COL4A6: variants seen among roughly 807,000 people sequenced by gnomAD.
COL4A6 encodes the protein collagen alpha-6(IV) chain.
In COL4A6, 59 loss-of-function variants were observed where a neutral mutation model predicts 126.7. The ratio of observed to expected loss-of-function variants is 0.47; its 90% CI spans 0.38 to 0.58. The LOEUF (loss-of-function observed/expected upper bound fraction) is 0.58. Ranked by LOEUF, COL4A6 falls within the 20% of genes least tolerant of loss-of-function variation. The pLI is 0.00. For missense variants in COL4A6, 1,285 were observed against 1,337.3 expected, an observed-to-expected ratio of 0.96 and a Z score of 0.61; for synonymous variants, 547 against 496.6, an observed-to-expected ratio of 1.10 and a Z score of -1.35.
At chrX:108,169,775 A>T (rs1348403964) in intron 36 of COL4A6, among the ~76,000 whole-genome samples, 155 bp from the exon 37 acceptor site, 1 of 112,478 alleles carries the variant, frequency 8.9e-6, no homozygotes, top group Non-Finnish European at 1.9e-5. Flanking sequence ...TAGAAGAAAA[A>T]AACCCATCCT....
chrX:108,339,181 C>G (rs1275089738), intron 2 of COL4A6, among the ~76,000 whole-genome samples: 2 of 112,627 alleles, frequency 1.8e-5, no homozygotes, highest in Non-Finnish European at 3.8e-5. Flanking sequence ...GAAAGCCAGG[C>G]AAGAGCCTGG....
At chrX:108,285,915 T>C (rs1390201966) in intron 3 of COL4A6, among the ~76,000 whole-genome samples, 1 of 111,521 alleles carries the variant, frequency 9.0e-6, no homozygotes, top group African/African-American at 3.3e-5. Flanking sequence ...AGAAAAGGGT[T>C]GTATCTATTA....
intron 3 of COL4A6, among the ~76,000 whole-genome samples, chrX:108,245,300 ATT>A (rs1464867202): frequency 3.6e-5 from 4 of 112,011 alleles, no homozygotes; most frequent in Non-Finnish European, 7.5e-5. Context: ...GCTGTGAGAT[ATT>A]TTTGTCACTA....
At chrX:108,222,770 T>A (rs1245354835) in intron 3 of COL4A6, among the ~76,000 whole-genome samples, 1 of 111,336 alleles carries the variant, frequency 9.0e-6, no homozygotes, top group Non-Finnish European at 1.9e-5. Context: ...GGGGGTGGAG[T>A]AAACTTTCAA....
At chrX:108,233,876 CT>C (rs1332013355) in intron 3 of COL4A6, among the ~76,000 whole-genome samples, 4 of 112,182 alleles carry the variant, frequency 3.6e-5, no homozygotes, top group South Asian at 7.4e-4. Flanking sequence ...GTAAAGCCCT[CT>C]GCACAGACAC....
At chrX:108,278,027 CCA>C (rs950124403) in intron 3 of COL4A6, among the ~76,000 whole-genome samples, 1 of 111,664 alleles carries the variant, frequency 9.0e-6, no homozygotes, top group Non-Finnish European at 1.9e-5. Context: ...ATAGATAAAA[CCA>C]CAAAGATGGG....
chrX:108,403,756 G>A (rs1192431854), intron 2 of COL4A6, among the ~76,000 whole-genome samples: 1 of 111,264 alleles, frequency 9.0e-6, no homozygotes, highest in Non-Finnish European at 1.9e-5. Flanking sequence ...ATATAAATCT[G>A]CTCATTATTG....
rs1275381990 is a variant in COL4A6, at chrX:108,190,447, A to C, written c.1371T>G (p.Pro457=). 1 of 1,207,418 alleles carries C rather than the reference A, an allele frequency of 8.3e-7. No individual in the cohort carries two copies. Residue 457 remains proline, a synonymous_variant, in exon 20 of 45, where the codon CCT becomes CCG. Transcript: ENST00000334504. ...TTGGACCTTGTTCTCCTCGGAGACC[A>C]GGGAACCCTGACTCTTTGTTGTGTA... ...ETLHNKESGF[P]GLRGEQGPKG...
In COL4A6 at chrX:108,437,960, G is replaced by T; in HGVS notation, c.45C>A (p.Thr15=). Residue 15 remains threonine, a synonymous_variant, in exon 2 of 45, where the codon ACC becomes ACA. Coordinates refer to ENST00000334504, the MANE Select transcript of COL4A6 (RefSeq NM_033641.4). The part of the protein sequence containing the change: ...LWLLLVTLCL[T]EELAAAGEKS... ...GACTCACCGCTGCTGCCAGTTCCTCGGTCAGGCACAACGTAACCAGGAGCA... is the reference window on the plus strand; with the variant it reads ...GACTCACCGCTGCTGCCAGTTCCTCTGTCAGGCACAACGTAACCAGGAGCA... 8.3e-7 allele frequency: 1 copy of T among 1,211,108 alleles called. No homozygotes were observed. Among genetic ancestry groups the T allele is most frequent in the Non-Finnish European group, 1.1e-6 (1 of 895,252 alleles).
At chrX:108,386,637 C>A (rs2040702107) in intron 2 of COL4A6, among the ~76,000 whole-genome samples, 1 of 111,148 alleles carries the variant, frequency 9.0e-6, no homozygotes. Flanking sequence ...ATGGATAGAT[C>A]ACAAAAATTT....
chrX:108,287,133 A>G (rs1055798133), intron 3 of COL4A6, among the ~76,000 whole-genome samples: 2 of 112,068 alleles, frequency 1.8e-5, no homozygotes, highest in Non-Finnish European at 3.8e-5. Context: ...TAGAAGTTCT[A>G]TTCGGGTCTT....
rs147192848 is a variant in COL4A6 at position 108,329,083 on chromosome X, A to T, written c.64-18255T>A. On this transcript the variant is annotated intron_variant, in intron 2 of 44. Coordinates refer to ENST00000334504, the MANE Select transcript of COL4A6 (RefSeq NM_033641.4). Reference sequence around the variant, plus strand: ...AAGAGTGGGAAGGGGGCTGGGAATGATGGAGAGAAGTTGGTCAATGGATAC... The same window carrying T: ...AAGAGTGGGAAGGGGGCTGGGAATGTTGGAGAGAAGTTGGTCAATGGATAC... Among the ~76,000 whole-genome samples, 111 of 111,673 alleles carry T rather than the reference A, an allele frequency of 9.9e-4. 3 individuals carry two copies. The East Asian group carries it at 0.03, about 31-fold the overall frequency.
intron 2 of COL4A6, chrX:108,383,601 A>T (rs1417363532): frequency 3.8e-6 from 2 of 523,716 alleles, no homozygotes; most frequent in Non-Finnish European, 6.6e-6. Context: ...TCCCTTGTCC[A>T]GCTGAAGGAT....
At chrX:108,371,000 T>A (rs747455817) in intron 2 of COL4A6, among the ~76,000 whole-genome samples, 1 of 110,808 alleles carries the variant, frequency 9.0e-6, no homozygotes, top group Admixed American at 9.7e-5. Context: ...AAGACTTAGC[T>A]CAAATGTCAC....
chrX:108,275,777 G>A lies in COL4A6; in HGVS notation c.144+34971C>T, dbSNP rs185160416. 2.1e-3 allele frequency among the ~76,000 whole-genome samples: 241 copies of A among 113,134 alleles called. 1 individual carries two copies. Among genetic ancestry groups the A allele is most frequent in the African/African-American group, 6.9e-3 (216 of 31,254 alleles). Reference sequence around the variant, plus strand: ...CACTGGAATTGAAGTCTCCAAGGCCGAAACCCAAATGAAAGCACATATGCC... The same window carrying A: ...CACTGGAATTGAAGTCTCCAAGGCCAAAACCCAAATGAAAGCACATATGCC... On this transcript the variant is annotated intron_variant, in intron 3 of 44. Coordinates refer to ENST00000334504, the MANE Select transcript of COL4A6 (RefSeq NM_033641.4).
intron 13 of COL4A6, among the ~76,000 whole-genome samples, chrX:108,196,814 T>C (rs1043548021): frequency 8.9e-6 from 1 of 112,277 alleles, no homozygotes; most frequent in African/African-American, 3.2e-5. Flanking sequence ...ACAACACTGT[T>C]CCATGTATTT....
Position 108,438,214 on chromosome X carries a change from A to G in COL4A6, c.-18T>C. 1 of 1,186,837 alleles carries G rather than the reference A, an allele frequency of 8.4e-7. No homozygotes were observed. Among genetic ancestry groups the G allele is most frequent in the Non-Finnish European group, 1.1e-6 (1 of 885,099 alleles). ...GGGTGCATGCTTGCGGCTCCTCCGGAGCTGGGTCCCGGGAGACTGCTAAGC... is the reference window on the plus strand; with the variant it reads ...GGGTGCATGCTTGCGGCTCCTCCGGGGCTGGGTCCCGGGAGACTGCTAAGC... On this transcript the variant is annotated 5_prime_UTR_variant, in exon 1 of 45. Coordinates refer to ENST00000334504, the MANE Select transcript of COL4A6 (RefSeq NM_033641.4).
intron 3 of COL4A6, among the ~76,000 whole-genome samples, chrX:108,242,337 T>C (rs1388013146): frequency 9.0e-6 from 1 of 111,651 alleles, no homozygotes; most frequent in Non-Finnish European, 1.9e-5. Context: ...CCACCATCCA[T>C]TGCCAGATCT....
chrX:108,216,537 C>G (rs1451133760), intron 5 of COL4A6, among the ~76,000 whole-genome samples: 1 of 112,763 alleles, frequency 8.9e-6, no homozygotes, highest in Non-Finnish European at 1.9e-5. Flanking sequence ...GTCAAGTCAG[C>G]AAGGGTAAAC....
Sources: gnomAD v4.1 joint callset for allele counts (sites outside exome capture counted in the v4.1 genomes callset) on GRCh38, gnomAD v4.1.1 for gene constraint, MANE v1.5 for transcripts, NCBI Gene and HGNC (gene_info 2026-07-23, HGNC 2026-07-21) for gene names.